The following PCDHGB1 variants were observed in gnomAD, a reference collection of about 807,000 sequenced individuals.
The protein encoded by PCDHGB1 is protocadherin gamma-B1.
A neutral mutation model predicts 56.6 loss-of-function variants in PCDHGB1; 34 were observed. The ratio of observed to expected loss-of-function variants is 0.60; its 90% CI spans 0.46 to 0.80. The LOEUF is 0.80. Ranked by LOEUF, PCDHGB1 falls within the 30% of genes least tolerant of loss-of-function variation. The probability of loss-of-function intolerance (pLI) is 0.00; values close to 1 mark genes in which losing one functional copy is unlikely to be tolerated. For synonymous variants in PCDHGB1, 561 were observed against 505.9 expected (o/e 1.11, Z -1.46); for missense variants, 1,278 against 1,204.6 (o/e 1.06, Z -0.90).
intron 3 of PCDHGB1, 31 bp downstream of exon 3, chr5:141,505,512 T>C (rs754223095): frequency 6.2e-7 from 1 of 1,613,676 alleles, no homozygotes; most frequent in South Asian, 1.1e-5. Context: ...TATGGAAGAG[T>C]GGGAGACCTG....
At chr5:141,417,743 A>T in intron 1 of PCDHGB1, 2 of 1,419,054 alleles carry the variant, frequency 1.4e-6, no homozygotes, top group Non-Finnish European at 1.9e-6. Flanking sequence ...AGCACACCAG[A>T]TTGCCAGCTC....
intron 1 of PCDHGB1, among the ~76,000 whole-genome samples, chr5:141,426,065 G>C (rs1214623774): frequency 1.3e-5 from 2 of 152,184 alleles, no homozygotes; most frequent in East Asian, 3.8e-4. Flanking sequence ...GCAAGAACTG[G>C]AGCCTGGGAT....
chr5:141,422,450 G>C (rs748354292), intron 1 of PCDHGB1: 71 of 1,611,564 alleles, frequency 4.4e-5, no homozygotes, highest in Non-Finnish European at 5.9e-5. Flanking sequence ...TTGATAACAA[G>C]CAGAGTGCTG....
At chr5:141,420,250 A>G (rs757203976) in intron 1 of PCDHGB1, 2 of 1,578,784 alleles carry the variant, frequency 1.3e-6, no homozygotes, top group South Asian at 1.2e-5. Context: ...CCAGCGTTGA[A>G]GCAGATAAGA....
At position 141,482,089 on chromosome 5, in the gene PCDHGB1, CAAA is replaced by C. The variant is rs36035257; in HGVS notation, c.2410-12704_2410-12702del. 2.7e-4 allele frequency among the ~76,000 whole-genome samples: 36 copies of C among 134,496 alleles called. No individual in the cohort carries two copies. The East Asian group carries it at 3.5e-3, about 13-fold the overall frequency. The allele number at this position is 134,496 out of a possible 152,430, so 88.2% of individuals were successfully genotyped here. On this transcript the variant is annotated intron_variant, in intron 1 of 3. Coordinates refer to ENST00000523390, the MANE Select transcript of PCDHGB1 (RefSeq NM_018922.3). ...AACAAGAACAAAACTCACTCCATCTCAAAAAAAAAAAAAAAATATCTAGAGATG... is the reference window on the plus strand; with the variant it reads ...AACAAGAACAAAACTCACTCCATCTCAAAAAAAAAAAAATATCTAGAGATG...
In PCDHGB1 at chr5:141,350,539, C is replaced by A. The variant is rs1758498017; in HGVS notation, c.279C>A (p.Cys93Ter). The change falls in exon 1 of 4, where the codon TGC becomes TGA. Residue 93 changes from cysteine to a stop codon, truncating the protein, a stop_gained. Transcript: ENST00000523390. LOFTEE classifies it high-confidence loss of function. ...GTAGGATAGATCGAGAGAAGATTTG[C>A]GGAAGGAAACTTGAGTGTGCACTAG... ...VNGRIDREKI[C>*]GRKLECALEF... 6.2e-7 allele frequency: 1 copy of A among 1,613,968 alleles called. No homozygotes were observed. The highest frequency in any genetic ancestry group is 2.2e-5 in the East Asian group (1 of 44,882).
chr5:141,422,205 A>G (rs758255761), intron 1 of PCDHGB1: 2 of 1,562,218 alleles, frequency 1.3e-6, no homozygotes, highest in Non-Finnish European at 1.7e-6. Flanking sequence ...AAGATGGTGG[A>G]GGTCTCTTTA....
At chr5:141,387,643 C>G in intron 1 of PCDHGB1, 1 of 625,670 alleles carries the variant, frequency 1.6e-6, no homozygotes, top group Non-Finnish European at 2.7e-6. Flanking sequence ...CGCTGTTGGC[C>G]AAAGTGGAGA....
At chr5:141,389,512 A>T in intron 1 of PCDHGB1, 1 of 1,613,138 alleles carries the variant, frequency 6.2e-7, no homozygotes, top group Non-Finnish European at 8.5e-7. Context: ...CTCAGCGCGA[A>T]CGTGAGCCTG....
chr5:141,427,370 G>A (rs915167509), intron 1 of PCDHGB1: 17 of 457,836 alleles, frequency 3.7e-5, no homozygotes, highest in African/African-American at 2.4e-4. Flanking sequence ...AACCCTGGAC[G>A]GTGATCACTC....
At chr5:141,384,039 T>C in intron 1 of PCDHGB1, 1 of 1,612,888 alleles carries the variant, frequency 6.2e-7, no homozygotes, top group East Asian at 2.2e-5. Flanking sequence ...GAAAGAATGG[T>C]GAGGTGACCT....
rs1389286417 is a variant in PCDHGB1 at position 141,432,046 on chromosome 5, C to T, written c.2410-62761C>T. ...CAGTGACCGCCACTGACCGGGGAAC[C>T]CCGCCCCTATCCACGGAAACTCATA... On this transcript the variant is annotated intron_variant, in intron 1 of 3. Transcript: ENST00000523390. This position sits in a 1 kb window ranked among gnomAD's most constrained non-coding sequence, Gnocchi z 6.0. 3.1e-6 allele frequency: 5 copies of T among 1,614,224 alleles called. No homozygotes were observed. The highest frequency in any genetic ancestry group is 2.2e-5 in the East Asian group (1 of 44,886).
At chr5:141,422,997 C>T (rs114907564) in intron 1 of PCDHGB1, 28,679 of 1,614,218 alleles carry the variant, frequency 0.018, 311 homozygotes, top group Non-Finnish European at 0.021. Context: ...ACCTGGTGAC[C>T]AAGGTGGTTG....
In PCDHGB1 at chr5:141,477,532, C is replaced by T. The variant is rs754570150; in HGVS notation, c.2410-17275C>T. On this transcript the variant is annotated intron_variant, in intron 1 of 3. Transcript: ENST00000523390. This position sits in a 1 kb window ranked among gnomAD's most constrained non-coding sequence, Gnocchi z 4.9. ...TTTACATTGAAGAAAACAACCTCCC[C>T]GGGGCTCCAATACTAAACCTAAGTG... 2.5e-6 allele frequency: 4 copies of T among 1,614,028 alleles called. No individual in the cohort carries two copies. Among genetic ancestry groups the T allele is most frequent in the Admixed American group, 1.7e-5 (1 of 60,000 alleles).
chr5:141,460,938 A>G (rs532872249), intron 1 of PCDHGB1, among the ~76,000 whole-genome samples: 38 of 149,918 alleles, frequency 2.5e-4, no homozygotes, highest in African/African-American at 9.1e-4. Context: ...GTGTGTGTAT[A>G]TATATGTATT....
chr5:141,361,845 T>G, intron 1 of PCDHGB1: 1 of 1,612,744 alleles, frequency 6.2e-7, no homozygotes, highest in Non-Finnish European at 8.5e-7. Flanking sequence ...TGGGGCCTGA[T>G]GGCTCCGCCC....
At position 141,400,328 on chromosome 5, in the gene PCDHGB1, T is replaced by A. The variant is rs754904671; in HGVS notation, c.2409+47659T>A. ...GGTCTCTGTGTCAAGTCTGGACCTG[T>A]GGTTCCCCCCAACTACAGTCAGGGG... On this transcript the variant is annotated intron_variant, in intron 1 of 3. Coordinates refer to ENST00000523390, the MANE Select transcript of PCDHGB1 (RefSeq NM_018922.3). 80 of 1,613,976 alleles carry A rather than the reference T, an allele frequency of 5.0e-5. No homozygotes were observed. Among genetic ancestry groups the A allele is most frequent in the Non-Finnish European group, 6.4e-5 (76 of 1,179,916 alleles).
intron 1 of PCDHGB1, chr5:141,421,236 TCGGCTACAG>T (rs761399164): frequency 3.8e-5 from 60 of 1,594,916 alleles, no homozygotes; most frequent in Non-Finnish European, 5.1e-5. Flanking sequence ...CCATGGCGAA[TCGGCTACAG>T]CGCGGGGACC....
intron 1 of PCDHGB1, chr5:141,371,905 A>G (rs768388601): frequency 6.2e-7 from 1 of 1,613,358 alleles, no homozygotes; most frequent in Non-Finnish European, 8.5e-7. Context: ...CTGTCGTCCT[A>G]CGTGTCCGTG....
Sources: gnomAD v4.1 joint callset for allele counts (sites outside exome capture counted in the v4.1 genomes callset) on GRCh38, gnomAD v4.1.1 for gene constraint, Gnocchi (gnomAD v3.1) non-coding constraint, MANE v1.5 for transcripts, NCBI Gene and HGNC (gene_info 2026-07-23, HGNC 2026-07-21) for gene names.